TNRC6A: variants seen among roughly 807,000 people sequenced by gnomAD.
The protein encoded by TNRC6A is trinucleotide repeat-containing gene 6A protein.
In TNRC6A, 44 loss-of-function variants were observed where a neutral mutation model predicts 221.2. The ratio of observed to expected loss-of-function variants is 0.20; its 90% CI spans 0.16 to 0.26. The LOEUF (loss-of-function observed/expected upper bound fraction) is 0.26, where lower values mean the gene tolerates loss of function less well. Among genes scored for constraint, TNRC6A ranks in the 10% least tolerant of loss-of-function variants. The probability of loss-of-function intolerance (pLI) is 1.00; values close to 1 mark genes in which losing one functional copy is unlikely to be tolerated. For missense variants in TNRC6A, 2,199 were observed against 2,404.4 expected (o/e 0.91, Z 1.79); for synonymous variants, 847 against 838.5 (o/e 1.01, Z -0.18).
At chr16:24,669,941 C>CTTTTTTTTTTT (rs535737725) in intron 2 of TNRC6A, among the ~76,000 whole-genome samples, 793 of 27,156 alleles carry the variant, frequency 0.029, 262 homozygotes, top group East Asian at 0.14. Context: ...GAGGCAGCTA[C>CTTTTTTTTTTT]TTTTTTTTTT....
Position 24,805,691 on chromosome 16 carries a change from G to C in TNRC6A, c.4209G>C (p.Gln1403His). The change falls in exon 15 of 25, where the codon CAG becomes CAC. Residue 1403 changes from glutamine (Q) to histidine (H), a missense_variant. Gln to His is a conservative substitution (Grantham distance 24, BLOSUM62 0). Transcript: ENST00000395799. ...CTCAACAGGTAGCCATGCTGAACCA[G>C]CTATCCCAGCTAAACCAGCTTTCTC... Reference protein sequence around the residue: ...FGPQQVAMLNQLSQLNQLSQI... With the variant: ...FGPQQVAMLNHLSQLNQLSQI... 1 of 1,614,208 alleles carries C rather than the reference G, an allele frequency of 6.2e-7. No individual in the cohort carries two copies. Among genetic ancestry groups the C allele is most frequent in the South Asian group, 1.1e-5 (1 of 91,088 alleles).
intron 2 of TNRC6A, among the ~76,000 whole-genome samples, chr16:24,739,360 T>G (rs1056766675): frequency 3.3e-5 from 5 of 152,350 alleles, no homozygotes; most frequent in Admixed American, 2.6e-4. Context: ...TTCTCCCATC[T>G]TTAAATTAGG....
chr16:24,679,867 C>CCAAGT (rs1189493853), intron 2 of TNRC6A, among the ~76,000 whole-genome samples: 1 of 152,140 alleles, frequency 6.6e-6, no homozygotes, highest in Non-Finnish European at 1.5e-5. Context: ...CTTCAGCCTC[C>CCAAGT]CAAAGTGCTG....
At chr16:24,777,465 T>A in intron 5 of TNRC6A, 107 bp downstream of exon 5, 1 of 1,086,504 alleles carries the variant, frequency 9.2e-7, no homozygotes, top group Non-Finnish European at 1.3e-6. Flanking sequence ...CATCAGTATG[T>A]GGGCTTTAAT....
intron 4 of TNRC6A, among the ~76,000 whole-genome samples, chr16:24,768,207 G>A (rs1169919480): frequency 2.0e-5 from 3 of 152,026 alleles, no homozygotes; most frequent in Admixed American, 6.6e-5. Context: ...TGAGGCGGGC[G>A]GACCACGAGG....
intron 3 of TNRC6A, among the ~76,000 whole-genome samples, chr16:24,754,564 T>C (rs796126107): frequency 9.9e-5 from 15 of 152,232 alleles, no homozygotes; most frequent in African/African-American, 3.6e-4. Flanking sequence ...TTCCATACTT[T>C]AAAAAAAGGA....
At chr16:24,664,641 T>C (rs992162278) in intron 2 of TNRC6A, among the ~76,000 whole-genome samples, 2 of 136,378 alleles carry the variant, frequency 1.5e-5, no homozygotes, top group African/African-American at 2.8e-5. Flanking sequence ...TATTAATAAA[T>C]ATATTTATTA....
intron 2 of TNRC6A, among the ~76,000 whole-genome samples, chr16:24,732,118 A>G (rs1307371676): frequency 6.6e-6 from 1 of 152,200 alleles, no homozygotes; most frequent in Non-Finnish European, 1.5e-5. Flanking sequence ...ACAAATATCA[A>G]AGAGATTGTA....
At position 24,737,693 on chromosome 16, in the gene TNRC6A, A is replaced by T. The variant is rs936332159; in HGVS notation, c.53+7393A>T. Among the ~76,000 whole-genome samples, 4 of 152,338 alleles carry T rather than the reference A, an allele frequency of 2.6e-5. No individual in the cohort carries two copies. The South Asian group carries it at 8.3e-4, about 32-fold the overall frequency. On this transcript the variant is annotated intron_variant, in intron 2 of 24. Transcript: ENST00000395799. ...ATAACAAACAAGATTAAGCCAACTC[A>T]GTTGTTTTGCTGTTCTTATTAGTGG...
At chr16:24,782,873 CAA>C (rs1207460507) in intron 5 of TNRC6A, among the ~76,000 whole-genome samples, 2 of 151,404 alleles carry the variant, frequency 1.3e-5, no homozygotes, top group East Asian at 3.9e-4. Context: ...CTCCGTCTGA[CAA>C]AAAAAAGAGT....
chr16:24,622,864 A>C (rs960659151), intron 1 of TNRC6A, among the ~76,000 whole-genome samples: 1 of 152,232 alleles, frequency 6.6e-6, no homozygotes. Flanking sequence ...GAGTGAAACT[A>C]CTGGCGGAAA....
chr16:24,627,858 C>T (rs922248487), intron 1 of TNRC6A, among the ~76,000 whole-genome samples: 1 of 151,252 alleles, frequency 6.6e-6, no homozygotes, highest in African/African-American at 2.4e-5. Flanking sequence ...CCCCCATGCC[C>T]GGCTAATTAT....
chr16:24,789,234 A>G lies in TNRC6A; in HGVS notation c.592A>G (p.Ile198Val), dbSNP rs779958289. The change falls in exon 6 of 25, where the codon ATA (isoleucine) becomes GTA (valine). Residue 198 changes from isoleucine (I) to valine (V), a missense_variant and splice_region_variant. Coordinates refer to ENST00000395799, the MANE Select transcript of TNRC6A (RefSeq NM_014494.4). ...EVQNSKNQSDINHSTSGSHYE... is the reference protein window; with the variant it reads ...EVQNSKNQSDVNHSTSGSHYE... ...GTTGTACTTCTCCTTTATCCTAGAT[A>G]TAAACCACAGTACTTCAGGATCCCA... 29 of 1,588,054 alleles carry G rather than the reference A, an allele frequency of 1.8e-5. No homozygotes were observed. In the East Asian group the frequency reaches 3.1e-4, roughly 17 times the overall value.
intron 4 of TNRC6A, among the ~76,000 whole-genome samples, chr16:24,758,699 C>G (rs949449532): frequency 6.6e-6 from 1 of 152,076 alleles, no homozygotes; most frequent in African/African-American, 2.4e-5. Context: ...GTGGGGTAAC[C>G]TCTAGGACCC....
chr16:24,667,764 C>A lies in TNRC6A; in HGVS notation n.402+26755C>A, dbSNP rs76406294. Among the ~76,000 whole-genome samples the A allele has an allele frequency of 7.7e-3, 1,174 of 152,294 alleles. 15 individuals carry two copies. The highest frequency in any genetic ancestry group is 0.027 in the African/African-American group (1,119 of 41,568). ...GTTTAATATATTTCAGTATGTTGGG[C>A]ATGGTAGCTCACACCTGTAATCCCA... On this transcript the variant is annotated intron_variant and non_coding_transcript_variant, in intron 2 of 2. Coordinates refer to the TNRC6A transcript ENST00000566108.
chr16:24,625,208 C>T (rs1203932177), intron 1 of TNRC6A, among the ~76,000 whole-genome samples: 2 of 152,208 alleles, frequency 1.3e-5, no homozygotes. Context: ...GATAAAGTAT[C>T]AGGAAATTGA....
At chr16:24,669,998 G>A (rs1379131423) in intron 2 of TNRC6A, among the ~76,000 whole-genome samples, 1 of 118,090 alleles carries the variant, frequency 8.5e-6, no homozygotes, top group Admixed American at 1.1e-4. Context: ...CACCCAGGCT[G>A]GAGTGCAATG....
rs2058081027 is a variant in TNRC6A, at chr16:24,790,746, AC to A, written c.2105del (p.Thr702AsnfsTer7). The A allele has an allele frequency of 6.2e-7, 1 of 1,614,034 alleles. No homozygotes were observed. The highest frequency in any genetic ancestry group is 8.5e-7 in the Non-Finnish European group (1 of 1,180,024). Reference protein sequence around the residue: ...SRDRRKIDQHTLLQSIVNRTD... With the variant: ...SRDRRKIDQHXLLQSIVNRTD... ...AGACAGAAGAAAAATTGATCAGCAC[AC>A]ATTACTCCAAAGCATTGTAAACAGA... On this transcript the variant is annotated frameshift_variant, in exon 6 of 25. Transcript: ENST00000395799. LOFTEE classifies it high-confidence loss of function.
chr16:24,695,677 C>T (rs113379417), intron 2 of TNRC6A, among the ~76,000 whole-genome samples: 14,224 of 152,042 alleles, frequency 0.094, 947 homozygotes, highest in East Asian at 0.23. Flanking sequence ...GGATTACAGG[C>T]GTGAGCCACC....
Sources: gnomAD v4.1 joint callset for allele counts (sites outside exome capture counted in the v4.1 genomes callset) on GRCh38, gnomAD v4.1.1 for gene constraint, MANE v1.5 for transcripts, NCBI Gene and HGNC (gene_info 2026-07-23, HGNC 2026-07-21) for gene names.